The following HECW2 variants were observed in gnomAD, a reference collection of about 807,000 sequenced individuals.
HECW2 encodes the protein E3 ubiquitin-protein ligase HECW2.
In HECW2, 61 loss-of-function variants were observed where a neutral mutation model predicts 175.2. That is an observed-to-expected ratio of 0.35 (90% CI 0.28 to 0.43). The LOEUF (loss-of-function observed/expected upper bound fraction) is 0.43, where lower values mean the gene tolerates loss of function less well. Among genes scored for constraint, HECW2 ranks in the 20% least tolerant of loss-of-function variants. HECW2 has a pLI of 1.00. For missense variants in HECW2, 1,524 were observed against 2,000.5 expected (o/e 0.76, Z 4.54); for synonymous variants, 671 against 731.0 (o/e 0.92, Z 1.32).
At chr2:196,493,551 C>T (rs1375151314) in intron 1 of HECW2, among the ~76,000 whole-genome samples, 1 of 152,118 alleles carries the variant, frequency 6.6e-6, no homozygotes, top group African/African-American at 2.4e-5. Context: ...TGATGTAACT[C>T]TCACAGCAAA....
chr2:196,445,127 C>T (rs1254508174), intron 1 of HECW2, among the ~76,000 whole-genome samples: 1 of 152,202 alleles, frequency 6.6e-6, no homozygotes, highest in Non-Finnish European at 1.5e-5. Context: ...TTATACTTCA[C>T]AGTGCCTCAT....
intron 14 of HECW2, 131 bp from the exon 15 acceptor site, chr2:196,278,793 T>G (rs1436838433): frequency 9.4e-7 from 1 of 1,061,902 alleles, no homozygotes; most frequent in Non-Finnish European, 1.4e-6. Context: ...TTTTCAATCT[T>G]TGGGGAAATT....
At chr2:196,486,826 C>T (rs774173600) in intron 1 of HECW2, among the ~76,000 whole-genome samples, 3 of 152,158 alleles carry the variant, frequency 2.0e-5, no homozygotes, top group African/African-American at 4.8e-5. Flanking sequence ...TTTTAAGCAG[C>T]TTCACCTCTA....
chr2:196,532,316 A>G (rs1446390041), intron 1 of HECW2, among the ~76,000 whole-genome samples: 2 of 152,248 alleles, frequency 1.3e-5, no homozygotes, highest in Non-Finnish European at 2.9e-5. Flanking sequence ...GGATGAGTTC[A>G]TGTCCTTTGC....
At chr2:196,277,437 T>A (rs560572774) in intron 15 of HECW2, among the ~76,000 whole-genome samples, 2 of 152,224 alleles carry the variant, frequency 1.3e-5, no homozygotes, top group Admixed American at 1.3e-4. Context: ...TATCATCTCA[T>A]ACCAGTTAGA....
chr2:196,315,154 G>A (rs1165605887), intron 10 of HECW2, among the ~76,000 whole-genome samples: 1 of 5,042 alleles, frequency 2.0e-4, no homozygotes, highest in African/African-American at 4.7e-4. Flanking sequence ...GTATGAGTGT[G>A]TGTGTGTGTG....
chr2:196,312,679 G>A (rs546053523), intron 10 of HECW2, among the ~76,000 whole-genome samples: 4 of 152,232 alleles, frequency 2.6e-5, no homozygotes, highest in South Asian at 2.1e-4. Context: ...GAAAGAATTC[G>A]GGAGGCCATA....
At chr2:196,377,967 G>A (rs1347336398) in intron 2 of HECW2, among the ~76,000 whole-genome samples, 1 of 152,134 alleles carries the variant, frequency 6.6e-6, no homozygotes, top group Non-Finnish European at 1.5e-5. Context: ...GTCTCACAAA[G>A]CATTTCTGCA....
intron 5 of HECW2, 106 bp from the exon 6 acceptor site, chr2:196,325,255 A>G (rs1692105655): frequency 2.6e-6 from 2 of 770,390 alleles, no homozygotes; most frequent in East Asian, 2.7e-5. Context: ...GGAAGGATTC[A>G]TATGTCCTGA....
chr2:196,288,825 T>C (rs1406890851), intron 14 of HECW2: 5 of 152,234 alleles, frequency 3.3e-5, no homozygotes, highest in Non-Finnish European at 7.3e-5. Context: ...GCTGAAGATA[T>C]CCCTTCACCC....
At chr2:196,301,053 AGT>A (rs146678187) in intron 13 of HECW2, among the ~76,000 whole-genome samples, 7,530 of 151,978 alleles carry the variant, frequency 0.05, 292 homozygotes, top group African/African-American at 0.099. Flanking sequence ...GACAGGCACC[AGT>A]GTGTGTTGTT....
chr2:196,482,065 G>A (rs1365676155), intron 1 of HECW2, among the ~76,000 whole-genome samples: 3 of 152,144 alleles, frequency 2.0e-5, no homozygotes, highest in Non-Finnish European at 2.9e-5. Flanking sequence ...TAGGATGAAA[G>A]TGCCATTAAA....
Position 196,271,228 on chromosome 2 carries a change from C to G in HECW2, c.3300G>C (p.Glu1100Asp). ...RQPNIFEILQ[E>D]RQPDLTRNHS... ...GATTCCTGGTAAGATCAGGTTGACG[C>G]TCCTGTAGAATTTCAAAGATATTGG... Residue 1100 changes from glutamate to aspartate, a missense_variant, in exon 17 of 29, where the codon GAG becomes GAC. Physicochemically the swap from Glu to Asp is conservative, Grantham distance 45. Coordinates refer to ENST00000644978, the MANE Select transcript of HECW2 (RefSeq NM_001348768.2). 1 of 1,611,598 alleles carries G rather than the reference C, an allele frequency of 6.2e-7. No individual in the cohort carries two copies. The highest frequency in any genetic ancestry group is 8.5e-7 in the Non-Finnish European group (1 of 1,177,772).
At chr2:196,304,110 A>C (rs1367455063) in intron 13 of HECW2, among the ~76,000 whole-genome samples, 1 of 152,192 alleles carries the variant, frequency 6.6e-6, no homozygotes, top group African/African-American at 2.4e-5. Flanking sequence ...AATAAAGCCC[A>C]AATACCTTGC....
intron 17 of HECW2, among the ~76,000 whole-genome samples, chr2:196,268,852 G>A (rs987547563): frequency 6.6e-6 from 1 of 152,132 alleles, no homozygotes; most frequent in Non-Finnish European, 1.5e-5. Context: ...GTCTAGGATT[G>A]CTAACATTTC....
intron 2 of HECW2, 137 bp from the exon 3 acceptor site, chr2:196,343,901 TC>T: frequency 1.6e-6 from 1 of 609,426 alleles, no homozygotes; most frequent in Non-Finnish European, 2.9e-6. Context: ...AATGACTACC[TC>T]CCAGCAGAGT....
chr2:196,473,497 C>T (rs1697296939), intron 1 of HECW2, among the ~76,000 whole-genome samples: 1 of 152,184 alleles, frequency 6.6e-6, no homozygotes, highest in African/African-American at 2.4e-5. Flanking sequence ...TTCTAAACCA[C>T]CTGTCCAAGT....
rs149299983 is a variant in HECW2, at chr2:196,218,838, A to G, written c.4408+1201T>C. On this transcript the variant is annotated intron_variant, in intron 26 of 28. Transcript: ENST00000644978. ...AACATTATAATAACCAAAGAGATAC[A>G]TGGATTATACTTGGGCCAACTGGAA... 2.2e-3 allele frequency among the ~76,000 whole-genome samples: 339 copies of G among 152,350 alleles called. 2 individuals carry two copies. Among genetic ancestry groups the G allele is most frequent in the African/African-American group, 7.4e-3 (309 of 41,582 alleles).
chr2:196,252,238 C>A (rs1439314392), intron 19 of HECW2, among the ~76,000 whole-genome samples: 1 of 143,842 alleles, frequency 7.0e-6, no homozygotes, highest in Non-Finnish European at 1.5e-5. Context: ...CCAACCAGCC[C>A]TAGCCTACCT....
Sources: gnomAD v4.1 joint callset for allele counts (sites outside exome capture counted in the v4.1 genomes callset) on GRCh38, gnomAD v4.1.1 for gene constraint, MANE v1.5 for transcripts, NCBI Gene and HGNC (gene_info 2026-07-23, HGNC 2026-07-21) for gene names.